CREB3L2: variants seen among roughly 807,000 people sequenced by gnomAD.
CREB3L2 encodes the protein cAMP responsive element binding protein 3 like 2.
Under a neutral mutation model 57.2 loss-of-function variants are expected in CREB3L2, and 23 were observed. The observed-to-expected ratio is 0.40, with a 90% CI of 0.29 to 0.57. CREB3L2 has a LOEUF of 0.57. CREB3L2 is among the 20% of genes least tolerant of loss of function. CREB3L2 has a pLI of 0.42. For synonymous variants in CREB3L2, 268 were observed against 265.1 expected (o/e 1.01, Z -0.11); for missense variants, 628 against 634.7 (o/e 0.99, Z 0.11).
rs1191699410 is a variant in CREB3L2, at chr7:137,878,184, A to G, written c.*2292T>C. On this transcript the variant is annotated 3_prime_UTR_variant, in exon 12 of 12. Transcript: ENST00000330387. Reference sequence around the variant, plus strand: ...AGAAAATAAAATCCTCAAAGCACTAAGGACAGGGGCTAGAAGTTTCCTTTA... The same window carrying G: ...AGAAAATAAAATCCTCAAAGCACTAGGGACAGGGGCTAGAAGTTTCCTTTA... 4.3e-6 allele frequency: 1 copy of G among 231,702 alleles called. No individual in the cohort carries two copies. Among genetic ancestry groups the G allele is most frequent in the Non-Finnish European group, 8.5e-6 (1 of 117,210 alleles). 14.4% of individuals were successfully genotyped at this position (231,702 alleles called of 1,614,324 possible).
chr7:137,945,200 T>C (rs1213948643), intron 1 of CREB3L2, among the ~76,000 whole-genome samples: 1 of 152,248 alleles, frequency 6.6e-6, no homozygotes, highest in Non-Finnish European at 1.5e-5. Flanking sequence ...CAGCCAAATT[T>C]ATAACTTTTA....
At position 137,908,245 on chromosome 7, in the gene CREB3L2, T is replaced by C. The variant is rs1323184093; in HGVS notation, c.768+7A>G. ...CTTTGGTCCAGGAATGCCCGCTGCA[T>C]ACTTACATGAGGAGCCGTGAGGAGA... On this transcript the variant is annotated splice_region_variant and intron_variant, in intron 5 of 11. Transcript: ENST00000330387. The C allele has an allele frequency of 1.6e-6, 2 of 1,256,484 alleles. No individual in the cohort carries two copies. Among genetic ancestry groups the C allele is most frequent in the Non-Finnish European group, 2.0e-6 (2 of 991,756 alleles). 77.8% of individuals were successfully genotyped at this position (1,256,484 alleles called of 1,614,324 possible).
Position 137,978,052 on chromosome 7 carries a change from T to C in CREB3L2, c.102+23552A>G, listed in dbSNP as rs149039585. Among the ~76,000 whole-genome samples, 222 of 152,102 alleles carry C rather than the reference T, an allele frequency of 1.5e-3. 1 individual carries two copies. Among genetic ancestry groups the C allele is most frequent in the Non-Finnish European group, 2.4e-3 (165 of 67,994 alleles). ...TACAATTAGCCTTTTCTGAAGAGATTCCTCACAATCTTAGTCATCATATCA... is the reference window on the plus strand; with the variant it reads ...TACAATTAGCCTTTTCTGAAGAGATCCCTCACAATCTTAGTCATCATATCA... On this transcript the variant is annotated intron_variant, in intron 1 of 11. Transcript: ENST00000330387.
intron 1 of CREB3L2, among the ~76,000 whole-genome samples, chr7:137,946,964 A>C (rs1585649959): frequency 1.2e-4 from 5 of 41,484 alleles, no homozygotes; most frequent in Non-Finnish European, 2.9e-4. Context: ...ATATATAGTT[A>C]TATATATAGT....
At position 138,001,854 on chromosome 7, in the gene CREB3L2, T is replaced by A; in HGVS notation, c.-149A>T. The A allele has an allele frequency of 1.9e-6, 1 of 532,588 alleles. No individual in the cohort carries two copies. The highest frequency in any genetic ancestry group is 3.3e-6 in the Non-Finnish European group (1 of 306,614). 33.0% of individuals were successfully genotyped at this position (532,588 alleles called of 1,614,324 possible). ...GTTTTGCACTTGGAAAGCAAACGTC[T>A]GCTCCTCTGCCGGAGAGAGGATGGC... On this transcript the variant is annotated 5_prime_UTR_variant, in exon 1 of 12. Coordinates refer to ENST00000330387, the MANE Select transcript of CREB3L2 (RefSeq NM_194071.4). The surrounding 1 kb of genome is among the most constrained non-coding windows in gnomAD (Gnocchi z 4.2).
intron 1 of CREB3L2, among the ~76,000 whole-genome samples, chr7:137,959,207 T>A (rs945108825): frequency 6.6e-6 from 1 of 152,182 alleles, no homozygotes; most frequent in Non-Finnish European, 1.5e-5. Context: ...GCATTTCGAG[T>A]TGCTTTGGCC....
At position 138,001,726 on chromosome 7, in the gene CREB3L2, G is replaced by C; in HGVS notation, c.-21C>G. On this transcript the variant is annotated 5_prime_UTR_variant, in exon 1 of 12. Coordinates refer to ENST00000330387, the MANE Select transcript of CREB3L2 (RefSeq NM_194071.4). The surrounding 1 kb of genome is among the most constrained non-coding windows in gnomAD (Gnocchi z 4.2). ...TCCATGGCGGTGCGGGCCGCGCTGGGCCGAGGATGCTAAGCGCAGGAGGGG... is the reference window on the plus strand; with the variant it reads ...TCCATGGCGGTGCGGGCCGCGCTGGCCCGAGGATGCTAAGCGCAGGAGGGG... 2 of 1,579,708 alleles carry C rather than the reference G, an allele frequency of 1.3e-6. No individual in the cohort carries two copies. The highest frequency in any genetic ancestry group is 1.7e-6 in the Non-Finnish European group (2 of 1,161,494).
intron 8 of CREB3L2, among the ~76,000 whole-genome samples, chr7:137,891,489 G>A (rs2117184971): frequency 6.6e-6 from 1 of 151,798 alleles, no homozygotes; most frequent in South Asian, 2.1e-4. Flanking sequence ...ACTGGAGTCA[G>A]AAACCAGGAG....
Position 137,913,070 on chromosome 7 carries a change from G to A in CREB3L2, c.504C>T (p.Ser168=), listed in dbSNP as rs1392747487. ...TTTTAGGAATAATGGTCTGGCACGA[G>A]GAATCAACCTGGAGGAAGAATTTCA... ...PPLEMNTGVD[S]SCQTIIPKIK... is the part of the protein sequence containing the mutation. Residue 168 remains serine, a synonymous_variant, in exon 4 of 12, where the codon TCC becomes TCT. Transcript: ENST00000330387. 1 of 1,612,852 alleles carries A rather than the reference G, an allele frequency of 6.2e-7. No homozygotes were observed. The highest frequency in any genetic ancestry group is 8.5e-7 in the Non-Finnish European group (1 of 1,179,540).
chr7:137,929,148 C>G (rs1800550766), intron 1 of CREB3L2, among the ~76,000 whole-genome samples: 1 of 152,112 alleles, frequency 6.6e-6, no homozygotes. Flanking sequence ...TCTCTAATAC[C>G]ATGAACTTTC....
intron 6 of CREB3L2, among the ~76,000 whole-genome samples, chr7:137,904,766 G>GGT (rs1328718520): frequency 6.6e-6 from 1 of 151,520 alleles, no homozygotes; most frequent in East Asian, 1.9e-4. Context: ...TTGAACCTGG[G>GGT]AGGCAGAGGT....
chr7:137,924,324 T>C (rs1359907887), intron 2 of CREB3L2, among the ~76,000 whole-genome samples: 2 of 152,216 alleles, frequency 1.3e-5, no homozygotes, highest in Non-Finnish European at 2.9e-5. Context: ...GCTCTGTTCT[T>C]GTATCATCTT....
At chr7:137,961,840 T>C (rs1310206225) in intron 1 of CREB3L2, among the ~76,000 whole-genome samples, 1 of 152,194 alleles carries the variant, frequency 6.6e-6, no homozygotes, top group Non-Finnish European at 1.5e-5. Context: ...ACCCCAGGCC[T>C]TTCCTCCATG....
intron 1 of CREB3L2, among the ~76,000 whole-genome samples, chr7:137,969,442 G>GT (rs1426475225): frequency 6.8e-6 from 1 of 146,468 alleles, no homozygotes; most frequent in African/African-American, 2.5e-5. Flanking sequence ...CGCCTCCCGG[G>GT]TTCATGCCAT....
chr7:137,913,010 T>C lies in CREB3L2; in HGVS notation c.564A>G (p.Leu188=). 6.2e-7 allele frequency: 1 copy of C among 1,614,012 alleles called. No homozygotes were observed. Among genetic ancestry groups the C allele is most frequent in the Non-Finnish European group, 8.5e-7 (1 of 1,179,918 alleles). The part of the protein sequence containing the change: ...KLEPHEVDQF[L]NFSPKEAPVD... The stretch of plus-strand genomic sequence containing the variant: ...ACAGACCTTCTTTAGGAGAGAAGTT[T>C]AGAAACTGATCCACTTCATGAGGCT... The change falls in exon 4 of 12, where the codon CTA becomes CTG. Residue 188 remains leucine, a synonymous_variant. Transcript: ENST00000330387.
intron 4 of CREB3L2, among the ~76,000 whole-genome samples, chr7:137,910,891 C>T (rs550288875): frequency 9.5e-4 from 145 of 152,312 alleles, no homozygotes; most frequent in Admixed American, 3.7e-3. Context: ...CTGGGGACAA[C>T]AAGCTACTGT....
intron 1 of CREB3L2, among the ~76,000 whole-genome samples, chr7:137,936,727 T>C (rs1407003954): frequency 6.6e-6 from 1 of 152,102 alleles, no homozygotes; most frequent in East Asian, 1.9e-4. Flanking sequence ...GGCAGGGGGA[T>C]TCCATGGATC....
intron 1 of CREB3L2, among the ~76,000 whole-genome samples, chr7:137,932,684 G>A (rs273977): frequency 0.41 from 62,918 of 152,040 alleles, 14,680 homozygotes; most frequent in East Asian, 0.78. Context: ...CTCTCCCTAC[G>A]CCACTTTACA....
intron 1 of CREB3L2, among the ~76,000 whole-genome samples, chr7:137,993,428 A>G (rs1233570082): frequency 6.6e-6 from 1 of 152,238 alleles, no homozygotes; most frequent in African/African-American, 2.4e-5. Flanking sequence ...AAGAAAAGAT[A>G]TCAACACTGA....
Sources: allele counts gnomAD v4.1 joint callset (sites outside exome capture counted in the v4.1 genomes callset), GRCh38; gene constraint gnomAD v4.1.1; non-coding constraint Gnocchi (gnomAD v3.1); transcripts MANE v1.5; gene names NCBI Gene and HGNC (gene_info 2026-07-23, HGNC 2026-07-21).